Variants in RBFOX1 observed in about 807,000 individuals in gnomAD.
RBFOX1 encodes RNA binding protein fox-1 homolog 1.
RBFOX1 carries 8 observed loss-of-function variants against 57.7 expected under a neutral mutation model. The observed-to-expected ratio is 0.14, with a 90% CI of 0.08 to 0.25. The LOEUF is 0.25. Ranked by LOEUF, RBFOX1 falls within the 10% of genes least tolerant of loss-of-function variation. RBFOX1 has a pLI of 1.00. For synonymous variants in RBFOX1, 326 were observed against 222.4 expected (o/e 1.47, Z -4.15); for missense variants, 611 against 548.5 (o/e 1.11, Z -1.14).
At chr16:7,331,971 C>T (rs1341700407) in intron 4 of RBFOX1, among the ~76,000 whole-genome samples, 1 of 152,104 alleles carries the variant, frequency 6.6e-6, no homozygotes, top group Non-Finnish European at 1.5e-5. Flanking sequence ...TGCTTGTTAG[C>T]TATGCCTTGA....
At chr16:6,975,472 G>C (rs2086626175) in intron 3 of RBFOX1, among the ~76,000 whole-genome samples, 1 of 152,036 alleles carries the variant, frequency 6.6e-6, no homozygotes, top group Non-Finnish European at 1.5e-5. Flanking sequence ...TCACCATCTT[G>C]GCCAAGCTGG....
At chr16:7,503,711 C>T (rs2071790633) in intron 4 of RBFOX1, among the ~76,000 whole-genome samples, 1 of 152,132 alleles carries the variant, frequency 6.6e-6, no homozygotes, top group Admixed American at 6.5e-5. Flanking sequence ...GTGGAGAATC[C>T]CTATTGAATT....
At chr16:5,758,598 C>G (rs1409970687) in intron 3 of RBFOX1, among the ~76,000 whole-genome samples, 2 of 152,026 alleles carry the variant, frequency 1.3e-5, no homozygotes, top group Admixed American at 1.3e-4. Context: ...TGTAGTGTCT[C>G]CATGGAAACT....
intron 4 of RBFOX1, among the ~76,000 whole-genome samples, chr16:7,253,935 A>G (rs770487911): frequency 2.6e-5 from 4 of 152,188 alleles, no homozygotes; most frequent in Non-Finnish European, 4.4e-5. Context: ...GCTCTCTTGT[A>G]TCTAGAAAGG....
At chr16:7,242,781 C>G (rs2094129918) in intron 4 of RBFOX1, among the ~76,000 whole-genome samples, 1 of 152,208 alleles carries the variant, frequency 6.6e-6, no homozygotes, top group African/African-American at 2.4e-5. Context: ...CAAGAACTGG[C>G]TAAACGGCTC....
intron 3 of RBFOX1, among the ~76,000 whole-genome samples, chr16:5,769,440 A>G (rs2053901282): frequency 6.6e-6 from 1 of 151,712 alleles, no homozygotes. Flanking sequence ...CAGGAGTTTG[A>G]AACCAGCCTG....
chr16:5,625,448 C>G (rs985756676), intron 3 of RBFOX1, among the ~76,000 whole-genome samples: 6 of 152,168 alleles, frequency 3.9e-5, no homozygotes, highest in African/African-American at 1.4e-4. Flanking sequence ...GGGATTTGAA[C>G]TCACTGGTGT....
intron 3 of RBFOX1, among the ~76,000 whole-genome samples, chr16:5,700,793 C>T (rs563787061): frequency 6.6e-6 from 1 of 152,144 alleles, no homozygotes; most frequent in Admixed American, 6.5e-5. Flanking sequence ...TGGATGAATT[C>T]TTCAGTTATC....
chr16:5,409,203 T>G (rs34493352), intron 1 of RBFOX1, among the ~76,000 whole-genome samples: 56,203 of 152,064 alleles, frequency 0.37, 10,722 homozygotes, highest in Middle Eastern at 0.44. Flanking sequence ...TCTATTTAAA[T>G]GGCCACAGAC....
chr16:6,917,702 C>G (rs1249945648), intron 3 of RBFOX1, among the ~76,000 whole-genome samples: 4 of 152,212 alleles, frequency 2.6e-5, no homozygotes, highest in South Asian at 4.1e-4. Flanking sequence ...TGAGTAGACT[C>G]TTCCCCTTTG....
At chr16:7,649,937 A>T (rs2064606271) in intron 11 of RBFOX1, among the ~76,000 whole-genome samples, 1 of 151,694 alleles carries the variant, frequency 6.6e-6, no homozygotes, top group Admixed American at 6.6e-5. Flanking sequence ...AGGAATTAAT[A>T]AAGAAATGAA....
chr16:6,142,216 A>AAAAAAAAAAC (rs2096722755), intron 1 of RBFOX1, among the ~76,000 whole-genome samples: 1 of 143,018 alleles, frequency 7.0e-6, no homozygotes, highest in African/African-American at 2.6e-5. Context: ...AAAAAAAAAA[A>AAAAAAAAAAC]TCCAACTCTT....
At chr16:7,348,723 C>G (rs1048901089) in intron 4 of RBFOX1, among the ~76,000 whole-genome samples, 6 of 152,190 alleles carry the variant, frequency 3.9e-5, no homozygotes, top group African/African-American at 7.2e-5. Context: ...TGGCAGATCA[C>G]CTGAGGTCAG....
At chr16:7,414,354 A>T (rs922980145) in intron 4 of RBFOX1, among the ~76,000 whole-genome samples, 1 of 152,202 alleles carries the variant, frequency 6.6e-6, no homozygotes, top group African/African-American at 2.4e-5. Context: ...AGGTAAGAAG[A>T]TAGATTGGTG....
intron 3 of RBFOX1, among the ~76,000 whole-genome samples, chr16:7,019,874 C>T (rs1299370308): frequency 6.6e-6 from 1 of 152,200 alleles, no homozygotes; most frequent in Non-Finnish European, 1.5e-5. Context: ...GCAATACTGA[C>T]ATTTTTGCGT....
chr16:6,479,589 A>G (rs1365134530), intron 2 of RBFOX1, among the ~76,000 whole-genome samples: 3 of 152,006 alleles, frequency 2.0e-5, no homozygotes, highest in African/African-American at 7.2e-5. Context: ...TGCTGTCTCA[A>G]AAAAGAAAAA....
intron 3 of RBFOX1, among the ~76,000 whole-genome samples, chr16:6,854,733 T>C (rs1017977186): frequency 6.6e-6 from 1 of 151,558 alleles, no homozygotes; most frequent in Non-Finnish European, 1.5e-5. Context: ...TAGCTGGAAC[T>C]ACAGGCGCCT....
At chr16:6,591,308 A>C (rs1341548279) in intron 2 of RBFOX1, among the ~76,000 whole-genome samples, 1 of 152,072 alleles carries the variant, frequency 6.6e-6, no homozygotes, top group Non-Finnish European at 1.5e-5. Flanking sequence ...TTTAAGTATT[A>C]GCCGGTGCAG....
intron 1 of RBFOX1, among the ~76,000 whole-genome samples, chr16:5,457,408 T>G (rs2068662956): frequency 6.6e-6 from 1 of 152,226 alleles, no homozygotes; most frequent in South Asian, 2.1e-4. Flanking sequence ...GTGCTGGGAT[T>G]ACAAGTGTGA....
Sources: allele counts gnomAD v4.1 joint callset (sites outside exome capture counted in the v4.1 genomes callset), GRCh38; gene constraint gnomAD v4.1.1; transcripts MANE v1.5; gene names NCBI Gene and HGNC (gene_info 2026-07-23, HGNC 2026-07-21).